CRB1: variants seen among roughly 807,000 people sequenced by gnomAD.
CRB1 encodes crumbs cell polarity complex component 1, also known as protein crumbs homolog 1.
CRB1 carries 83 observed loss-of-function variants against 120.0 expected under a neutral mutation model. The ratio of observed to expected loss-of-function variants is 0.69; its 90% CI spans 0.58 to 0.83. The LOEUF (loss-of-function observed/expected upper bound fraction) is 0.83. CRB1 is among the 40% of genes least tolerant of loss of function. The pLI is 0.00. For synonymous variants in CRB1, 625 were observed against 612.5 expected, an observed-to-expected ratio of 1.02 and a Z score of -0.30; for missense variants, 1,699 against 1,687.6, an observed-to-expected ratio of 1.01 and a Z score of -0.12.
intron 1 of CRB1, among the ~76,000 whole-genome samples, chr1:197,323,213 T>A (rs949199980): frequency 1.2e-4 from 18 of 152,212 alleles, no homozygotes; most frequent in African/African-American, 4.3e-4. Flanking sequence ...GTCACTTTTT[T>A]AACATTAATT....
chr1:197,388,916 AAAG>A lies in CRB1; in HGVS notation c.1171+31908_1171+31910del. 1.3e-5 allele frequency among the ~76,000 whole-genome samples: 2 copies of A among 152,310 alleles called. 1 individual carries two copies. Among genetic ancestry groups the A allele is most frequent in the South Asian group, 4.1e-4 (2 of 4,830 alleles). On this transcript the variant is annotated intron_variant, in intron 5 of 11. Coordinates refer to ENST00000367400, the MANE Select transcript of CRB1 (RefSeq NM_201253.3). ...AAGGACTTGAATTAGACATTTCTCC[AAAG>A]AAGACATTCAAATGACCAATAAGCA...
intron 1 of CRB1, among the ~76,000 whole-genome samples, chr1:197,296,513 G>T (rs1487236584): frequency 6.6e-6 from 1 of 152,016 alleles, no homozygotes; most frequent in African/African-American, 2.4e-5. Context: ...CCAGAAGTCA[G>T]TTGTATCTCC....
At chr1:197,347,050 T>G (rs565041270) in intron 3 of CRB1, among the ~76,000 whole-genome samples, 1 of 152,194 alleles carries the variant, frequency 6.6e-6, no homozygotes, top group Non-Finnish European at 1.5e-5. Flanking sequence ...GCATACTTAA[T>G]TGTCACAATA....
intron 11 of CRB1, among the ~76,000 whole-genome samples, chr1:197,476,169 G>A (rs1004040276): frequency 3.3e-5 from 5 of 151,680 alleles, no homozygotes; most frequent in Admixed American, 6.6e-5. Context: ...CTCAGCTTCC[G>A]AAAGTGCTGG....
At chr1:197,305,922 A>T (rs2125262133) in intron 1 of CRB1, among the ~76,000 whole-genome samples, 1 of 151,452 alleles carries the variant, frequency 6.6e-6, no homozygotes, top group Non-Finnish European at 1.5e-5. Flanking sequence ...AAAAACAAAA[A>T]GCAAGAACTG....
chr1:197,452,785 G>A (rs1041459145), intron 11 of CRB1, among the ~76,000 whole-genome samples: 6 of 152,000 alleles, frequency 3.9e-5, no homozygotes, highest in African/African-American at 1.5e-4. Context: ...TGTAGAAATG[G>A]TTCAGCCACT....
At chr1:197,381,720 G>C (rs1661967673) in intron 5 of CRB1, among the ~76,000 whole-genome samples, 1 of 152,158 alleles carries the variant, frequency 6.6e-6, no homozygotes, top group Admixed American at 6.6e-5. Context: ...GTAATAATGA[G>C]TATTGTTCCT....
At chr1:197,399,403 T>C (rs1662945245) in intron 5 of CRB1, among the ~76,000 whole-genome samples, 6 of 152,168 alleles carry the variant, frequency 3.9e-5, no homozygotes, top group African/African-American at 1.4e-4. Flanking sequence ...CATTACACTG[T>C]TGGAAAGAAC....
intron 11 of CRB1, among the ~76,000 whole-genome samples, chr1:197,471,120 G>A (rs895573743): frequency 1.3e-5 from 2 of 151,956 alleles, no homozygotes; most frequent in African/African-American, 2.4e-5. Context: ...CTTCTGGTAT[G>A]GAAATCATAT....
chr1:197,380,631 C>T (rs1661903952), intron 5 of CRB1, among the ~76,000 whole-genome samples: 1 of 152,160 alleles, frequency 6.6e-6, no homozygotes, highest in African/African-American at 2.4e-5. Context: ...AAATGAGAGA[C>T]ACAAGCACCA....
intron 5 of CRB1, among the ~76,000 whole-genome samples, chr1:197,378,329 T>C (rs1389745764): frequency 1.3e-5 from 2 of 152,160 alleles, no homozygotes. Context: ...GAATTTAGAG[T>C]TTAGATCAAG....
At chr1:197,471,927 T>A (rs1393862290) in intron 11 of CRB1, among the ~76,000 whole-genome samples, 1 of 152,188 alleles carries the variant, frequency 6.6e-6, no homozygotes, top group Non-Finnish European at 1.5e-5. Flanking sequence ...AAATTTGTAT[T>A]CCTTTTTTAA....
At chr1:197,312,071 T>C (rs1033925289) in intron 1 of CRB1, among the ~76,000 whole-genome samples, 8 of 152,122 alleles carry the variant, frequency 5.3e-5, no homozygotes, top group African/African-American at 1.9e-4. Context: ...ATAAACAACA[T>C]AACTTAGGCA....
chr1:197,427,623 G>C lies in CRB1; in HGVS notation c.2298G>C (p.Trp766Cys). Residue 766 changes from tryptophan to cysteine, a missense_variant, in exon 7 of 12, where the codon TGG (tryptophan) becomes TGC (cysteine). Physicochemically the swap from Trp to Cys is radical, Grantham distance 215. Coordinates refer to ENST00000367400, the MANE Select transcript of CRB1 (RefSeq NM_201253.3). ...ENSTYQYIRV[W>C]LERGRLAMLT... ...GCACTTATCAATATATCCGTGTCTG[G>C]CTAGAGCGCGGCAGACTAGCAATGC... 2 of 1,613,880 alleles carry C rather than the reference G, an allele frequency of 1.2e-6. No homozygotes were observed. Among genetic ancestry groups the C allele is most frequent in the Non-Finnish European group, 1.7e-6 (2 of 1,179,966 alleles).
chr1:197,450,791 A>AAAT (rs914575898), intron 11 of CRB1, among the ~76,000 whole-genome samples: 1 of 138,504 alleles, frequency 7.2e-6, no homozygotes, highest in Non-Finnish European at 1.6e-5. Flanking sequence ...ATACAAAAAA[A>AAAT]AAAAAAAAAA....
At chr1:197,470,790 T>C (rs973402444) in intron 11 of CRB1, among the ~76,000 whole-genome samples, 11 of 152,264 alleles carry the variant, frequency 7.2e-5, no homozygotes, top group Non-Finnish European at 1.2e-4. Flanking sequence ...AGGGACTGTT[T>C]GGCCCACCAC....
At chr1:197,289,342 A>G (rs966894336) in intron 1 of CRB1, among the ~76,000 whole-genome samples, 20 of 151,446 alleles carry the variant, frequency 1.3e-4, no homozygotes, top group Non-Finnish European at 2.8e-4. Flanking sequence ...TCTTCTATGG[A>G]AAATTGTGCT....
the CRB1 span, among the ~76,000 whole-genome samples, chr1:197,250,006 G>A: frequency 6.6e-6 from 1 of 151,950 alleles, no homozygotes; most frequent in Admixed American, 6.6e-5. Context: ...ATGCACTCCT[G>A]CTTCTCTTTT....
chr1:197,290,438 C>A (rs965852287), intron 1 of CRB1, among the ~76,000 whole-genome samples: 2 of 151,548 alleles, frequency 1.3e-5, no homozygotes, highest in Non-Finnish European at 3.0e-5. Context: ...TCACCACATC[C>A]CTGACAGTAG....
Sources: gnomAD v4.1 joint callset for allele counts (sites outside exome capture counted in the v4.1 genomes callset) on GRCh38, gnomAD v4.1.1 for gene constraint, MANE v1.5 for transcripts, NCBI Gene and HGNC (gene_info 2026-07-23, HGNC 2026-07-21) for gene names.